The following PRMT1 variants were observed in gnomAD, a reference collection of about 807,000 sequenced individuals.
The protein encoded by PRMT1 is protein arginine N-methyltransferase 1.
In PRMT1, 5 loss-of-function variants were observed where a neutral mutation model predicts 47.4. The observed-to-expected ratio is 0.11, with a 90% CI of 0.06 to 0.22. PRMT1 has a LOEUF of 0.22. PRMT1 is among the 10% of genes least tolerant of loss of function. The pLI, the probability that PRMT1 is intolerant of heterozygous loss-of-function variation, is 1.00. For synonymous variants in PRMT1, 227 were observed against 204.6 expected (o/e 1.11, Z -0.94); for missense variants, 249 against 518.4 (o/e 0.48, Z 5.05).
Position 49,684,173 on chromosome 19 carries a change from T to G in PRMT1, c.555+104T>G, listed in dbSNP as rs7246510. ...CACAGACGGGACTTACTGTGGGGGC[T>G]TAGCTGCAAGGTGTTAGAAAGCCAC... is the stretch of plus-strand genomic sequence containing the variant. On this transcript the variant is annotated intron_variant, in intron 6 of 10. Coordinates refer to ENST00000454376, the MANE Select transcript of PRMT1 (RefSeq NM_001536.6). This position sits in a 1 kb window ranked among gnomAD's most constrained non-coding sequence, Gnocchi z 6.2. The G allele has an allele frequency of 0.036, 52,595 of 1,475,350 alleles. 1,939 individuals carry two copies. Among genetic ancestry groups the G allele is most frequent in the African/African-American group, 0.18 (13,352 of 72,220 alleles). 91.4% of individuals were successfully genotyped at this position (1,475,350 alleles called of 1,614,324 possible). A position where few individuals can be genotyped will look rare whatever the true frequency, so the allele number is the denominator to read the frequency against.
chr19:49,680,934 A>G lies in PRMT1; in HGVS notation c.192+346A>G, dbSNP rs1401676533. ...GCTCCCGCCCTAACAGCTTCTGCAC[A>G]CTTCAGATCTGACTGAAGACACTGA... On this transcript the variant is annotated intron_variant, in intron 3 of 10. Transcript: ENST00000454376. The surrounding 1 kb of genome is among the most constrained non-coding windows in gnomAD (Gnocchi z 4.2). Among the ~76,000 whole-genome samples the G allele has an allele frequency of 2.6e-5, 4 of 152,228 alleles. No individual in the cohort carries two copies. In the East Asian group the frequency reaches 7.7e-4, roughly 29 times the overall value.
chr19:49,684,048 C>T lies in PRMT1; in HGVS notation c.534C>T (p.Leu178=). Reference sequence around the variant, plus strand: ...ACGAGTCCATGCTCAACACCGTGCTCTATGCCCGGGACAAGTGGCTGGTGA... The same window carrying T: ...ACGAGTCCATGCTCAACACCGTGCTTTATGCCCGGGACAAGTGGCTGGTGA... ...LFYESMLNTV[L]YARDKWLAPD... The change falls in exon 6 of 11, where the codon CTC becomes CTT. Residue 178 remains leucine (L), a synonymous_variant. Transcript: ENST00000454376. The surrounding 1 kb of genome is among the most constrained non-coding windows in gnomAD (Gnocchi z 6.2). The T allele has an allele frequency of 1.9e-6, 3 of 1,614,196 alleles. No homozygotes were observed. Among genetic ancestry groups the T allele is most frequent in the Non-Finnish European group, 2.5e-6 (3 of 1,180,020 alleles).
At chr19:49,683,846 C>T in intron 5 of PRMT1, 81 bp from the exon 6 acceptor site, 2 of 1,529,868 alleles carry the variant, frequency 1.3e-6, no homozygotes, top group South Asian at 1.2e-5. Flanking sequence ...AAGTGGGGTC[C>T]CCAGGCTCTA....
Position 49,688,075 on chromosome 19 carries a change from G to A in PRMT1, c.1033-87G>A, listed in dbSNP as rs2082236778. The A allele has an allele frequency of 1.4e-5, 17 of 1,174,286 alleles. No individual in the cohort carries two copies. The highest frequency in any genetic ancestry group is 6.1e-5 in the South Asian group (5 of 82,320). 72.7% of individuals were successfully genotyped at this position (1,174,286 alleles called of 1,614,324 possible). On this transcript the variant is annotated intron_variant, in intron 10 of 10. Coordinates refer to ENST00000454376, the MANE Select transcript of PRMT1 (RefSeq NM_001536.6). The surrounding 1 kb of genome is among the most constrained non-coding windows in gnomAD (Gnocchi z 5.3). The stretch of plus-strand genomic sequence containing the variant: ...GGAGATGGGCAGGAAGCTGGAGCCC[G>A]GCTCATCGTCGCATAGCCTGCCTGC...
intron 4 of PRMT1, 49 bp downstream of exon 4, chr19:49,682,114 G>A: frequency 6.2e-7 from 1 of 1,613,812 alleles, no homozygotes; most frequent in East Asian, 2.2e-5. Context: ...GGATGGAGGG[G>A]AGCCCATCAG....
At chr19:49,683,743 T>C in intron 5 of PRMT1, 184 bp from the exon 6 acceptor site, 2 of 636,042 alleles carry the variant, frequency 3.1e-6, no homozygotes, top group Non-Finnish European at 5.3e-6. Flanking sequence ...ACATAAAATT[T>C]CTGCTCCTGC....
chr19:49,682,033 G>C lies in PRMT1; in HGVS notation c.316G>C (p.Ala106Pro). The change falls in exon 4 of 11, where the codon GCT becomes CCT. Residue 106 changes from alanine to proline, a missense_variant. Transcript: ENST00000454376. ...GGGCACCGGCATCCTCTGCATGTTT[G>C]CTGCCAAGGCCGGGGCCCGCAAGGT... ...GSGTGILCMF[A>P]AKAGARKVIG... The C allele has an allele frequency of 6.2e-7, 1 of 1,614,182 alleles. No homozygotes were observed. The highest frequency in any genetic ancestry group is 8.5e-7 in the Non-Finnish European group (1 of 1,180,032).
intron 4 of PRMT1, 33 bp downstream of exon 4, chr19:49,682,098 C>T: frequency 6.2e-7 from 1 of 1,613,558 alleles, no homozygotes; most frequent in Non-Finnish European, 8.5e-7. Context: ...CGGGGCCGGG[C>T]CTGAGGGATG....
chr19:49,686,952 G>T (rs186151532), intron 10 of PRMT1, among the ~76,000 whole-genome samples: 1 of 152,116 alleles, frequency 6.6e-6, no homozygotes, highest in Admixed American at 6.5e-5. Flanking sequence ...AGCATTCACC[G>T]GAAGTTATGG....
Position 49,681,180 on chromosome 19 carries a change from G to C in PRMT1, c.192+592G>C, listed in dbSNP as rs1045297569. ...TCCCCCCACTTCCACTTTCGGAGTA[G>C]CTGGGACCACAGGCGCGCGCCACCA... On this transcript the variant is annotated intron_variant, in intron 3 of 10. Transcript: ENST00000454376. The surrounding 1 kb of genome is among the most constrained non-coding windows in gnomAD (Gnocchi z 4.4). Among the ~76,000 whole-genome samples, 2 of 152,150 alleles carry C rather than the reference G, an allele frequency of 1.3e-5. No homozygotes were observed. The highest frequency in any genetic ancestry group is 6.5e-5 in the Admixed American group (1 of 15,278).
rs199944602 is a variant in PRMT1 at position 49,684,891 on chromosome 19, G to A, written c.644-31G>A. ...GGCGGGGCCTCGGGTGGGCTGCTGC[G>A]GGCTCACCCCCTCCCTGCCTGCCTC... On this transcript the variant is annotated intron_variant, in intron 7 of 10. Transcript: ENST00000454376. This position sits in a 1 kb window ranked among gnomAD's most constrained non-coding sequence, Gnocchi z 6.2. 6.8e-5 allele frequency: 109 copies of A among 1,607,252 alleles called. No homozygotes were observed. The highest frequency in any genetic ancestry group is 4.9e-4 in the African/African-American group (37 of 74,870).
Position 49,680,420 on chromosome 19 carries a change from G to A in PRMT1, c.91-67G>A, listed in dbSNP as rs1298322370. The A allele has an allele frequency of 8.3e-6, 11 of 1,323,574 alleles. No homozygotes were observed. Among genetic ancestry groups the A allele is most frequent in the Admixed American group, 1.7e-5 (1 of 58,890 alleles). The allele number at this position is 1,323,574 out of a possible 1,614,324, so 82.0% of individuals were successfully genotyped here. ...ACTACTCTTCAGGGAAAAGTAGGGC[G>A]CTGGAGGTTTAAGAGGCTGTGGGGA... On this transcript the variant is annotated intron_variant, in intron 2 of 10. Coordinates refer to ENST00000454376, the MANE Select transcript of PRMT1 (RefSeq NM_001536.6). The surrounding 1 kb of genome is among the most constrained non-coding windows in gnomAD (Gnocchi z 4.2).
Position 49,680,622 on chromosome 19 carries a change from A to AG in PRMT1, c.192+40dup. 3.3e-6 allele frequency: 5 copies of AG among 1,505,678 alleles called. No individual in the cohort carries two copies. Among genetic ancestry groups the AG allele is most frequent in the Admixed American group, 1.7e-5 (1 of 59,864 alleles). The allele number at this position is 1,505,678 out of a possible 1,614,324, so 93.3% of individuals were successfully genotyped here. Reference sequence around the variant, plus strand: ...GGACAGTCCCCAAGGCCCCAATCTTAGGGGGGCTTAAATGTTGGGGAAGGG... The same window carrying AG: ...GGACAGTCCCCAAGGCCCCAATCTTAGGGGGGGCTTAAATGTTGGGGAAGGG... On this transcript the variant is annotated intron_variant, in intron 3 of 10. Coordinates refer to ENST00000454376, the MANE Select transcript of PRMT1 (RefSeq NM_001536.6). This position sits in a 1 kb window ranked among gnomAD's most constrained non-coding sequence, Gnocchi z 4.2.
Position 49,680,725 on chromosome 19 carries a change from C to CCA in PRMT1, c.192+138_192+139insAC. On this transcript the variant is annotated intron_variant, in intron 3 of 10. Transcript: ENST00000454376. The surrounding 1 kb of genome is among the most constrained non-coding windows in gnomAD (Gnocchi z 4.2). ...CCCCCTGCCCCTCTGCTGCGCACTTCCTAGGGTCGCCTCGCCAAGCCGTTG... is the reference window on the plus strand; with the variant it reads ...CCCCCTGCCCCTCTGCTGCGCACTTCCACTAGGGTCGCCTCGCCAAGCCGTTG... The CCA allele has an allele frequency of 1.5e-6, 1 of 678,990 alleles. No homozygotes were observed. Among genetic ancestry groups the CCA allele is most frequent in the South Asian group, 1.7e-5 (1 of 58,620 alleles). 42.1% of individuals were successfully genotyped at this position (678,990 alleles called of 1,614,324 possible). A position where few individuals can be genotyped will look rare whatever the true frequency, so the allele number is the denominator to read the frequency against.
intron 1 of PRMT1, 83 bp from the exon 2 acceptor site, chr19:49,679,789 C>CT: frequency 9.4e-7 from 1 of 1,066,184 alleles, no homozygotes; most frequent in South Asian, 1.3e-5. Flanking sequence ...ACCCACCCCC[C>CT]GGCCAGAGCC....
At chr19:49,677,054 G>A (rs1349492700), upstream of PRMT1, 3 of 404,688 alleles carry the variant, frequency 7.4e-6, no homozygotes, top group Non-Finnish European at 8.6e-6. Context: ...CGACTTGAGG[G>A]GGCGGGATTC....
At position 49,683,705 on chromosome 19, in the gene PRMT1, AAAAG is replaced by A; in HGVS notation, c.413-221_413-218del. The A allele has an allele frequency of 1.0e-5, 5 of 491,960 alleles. No homozygotes were observed. The South Asian group carries it at 1.2e-4, about 12-fold the overall frequency. The allele number at this position is 491,960 out of a possible 1,614,324, so 30.5% of individuals were successfully genotyped here. ...TCCGTCTCAAAAAAAAAAAAAAAAA[AAAAG>A]TAACATCACCTGATACCCAGTCCAC... is the stretch of plus-strand genomic sequence containing the variant. On this transcript the variant is annotated intron_variant, in intron 5 of 10. Coordinates refer to ENST00000454376, the MANE Select transcript of PRMT1 (RefSeq NM_001536.6).
Position 49,688,295 on chromosome 19 carries a change from C to G in PRMT1, c.*50C>G, listed in dbSNP as rs199728354. 6.3e-7 allele frequency: 1 copy of G among 1,580,558 alleles called. No individual in the cohort carries two copies. The highest frequency in any genetic ancestry group is 8.7e-7 in the Non-Finnish European group (1 of 1,153,010). On this transcript the variant is annotated 3_prime_UTR_variant, in exon 11 of 11. Transcript: ENST00000454376. The surrounding 1 kb of genome is among the most constrained non-coding windows in gnomAD (Gnocchi z 5.3). ...AGCCCAGGGGCTGAGCGTTCCTAGG[C>G]GGTTTCGGGGCTCCCCCTTCCTCTC...
At chr19:49,683,652 C>T (rs1400367994) in intron 5 of PRMT1, 5 of 335,006 alleles carry the variant, frequency 1.5e-5, no homozygotes, top group East Asian at 7.0e-5. Context: ...CACGCCACTG[C>T]ACTCCAGCCT....
Sources: allele counts gnomAD v4.1 joint callset (sites outside exome capture counted in the v4.1 genomes callset), GRCh38; gene constraint gnomAD v4.1.1; non-coding constraint Gnocchi (gnomAD v3.1); transcripts MANE v1.5; gene names NCBI Gene and HGNC (gene_info 2026-07-23, HGNC 2026-07-21).